Variants in MAP3K2 observed in about 807,000 individuals in gnomAD.
The protein encoded by MAP3K2 is MAP/ERK kinase kinase 2.
Under a neutral mutation model 80.3 loss-of-function variants are expected in MAP3K2, and 24 were observed. That is an observed-to-expected ratio of 0.30 (90% CI 0.22 to 0.42). MAP3K2 has a LOEUF of 0.42. Among genes scored for constraint, MAP3K2 ranks in the 10% least tolerant of loss-of-function variants. The pLI is 1.00. For missense variants in MAP3K2, 608 were observed against 750.1 expected (o/e 0.81, Z 2.21); for synonymous variants, 244 against 253.7 (o/e 0.96, Z 0.36).
rs2104810971 is a variant in MAP3K2 at position 127,314,824 on chromosome 2, T to C, written c.1386A>G (p.Lys462=). 6.2e-7 allele frequency: 1 copy of C among 1,609,546 alleles called. No homozygotes were observed. The highest frequency in any genetic ancestry group is 8.5e-7 in the Non-Finnish European group (1 of 1,175,948). Reference sequence around the variant, plus strand: ...CACCCTCCAGAATCTGACGGGTGTATTTCCTAGTCACATTCTCAGTAAGAG... The same window carrying C: ...CACCCTCCAGAATCTGACGGGTGTACTTCCTAGTCACATTCTCAGTAAGAG... The part of the protein sequence containing the change: ...YGALTENVTR[K]YTRQILEGVH... The change falls in exon 15 of 17, where the codon AAA becomes AAG. Residue 462 remains lysine (K), a synonymous_variant. Coordinates refer to ENST00000682094, the MANE Select transcript of MAP3K2 (RefSeq NM_001371910.2).
In MAP3K2 at chr2:127,321,086, T is replaced by G. The variant is rs938709239; in HGVS notation, c.1045+960A>C. ...AATGAGTTGAGATTGCACCACAGCC[T>G]GAGTGACAGAGTGAGATCCTGTTTC... On this transcript the variant is annotated intron_variant, in intron 12 of 16. Coordinates refer to ENST00000682094, the MANE Select transcript of MAP3K2 (RefSeq NM_001371910.2). The surrounding 1 kb of genome is among the most constrained non-coding windows in gnomAD (Gnocchi z 4.4). Among the ~76,000 whole-genome samples, 6 of 152,200 alleles carry G rather than the reference T, an allele frequency of 3.9e-5. No individual in the cohort carries two copies. The highest frequency in any genetic ancestry group is 1.4e-4 in the African/African-American group (6 of 41,448).
intron 1 of MAP3K2, among the ~76,000 whole-genome samples, chr2:127,353,495 C>A (rs549738140): frequency 1.7e-4 from 26 of 152,176 alleles, no homozygotes; most frequent in African/African-American, 5.5e-4. Flanking sequence ...AGGAGCCCCT[C>A]CGCCCGGCAG....
rs370416134 is a variant in MAP3K2 at position 127,357,111 on chromosome 2, C to T, written c.-65-13917G>A. Reference sequence around the variant, plus strand: ...TTTCAAAAGAAGTTTGACAAAAGAACGGCAAGATCTTTAAAAAACTAGAAA... The same window carrying T: ...TTTCAAAAGAAGTTTGACAAAAGAATGGCAAGATCTTTAAAAAACTAGAAA... On this transcript the variant is annotated intron_variant, in intron 1 of 16. Transcript: ENST00000682094. Among the ~76,000 whole-genome samples the T allele has an allele frequency of 1.1e-3, 172 of 152,196 alleles. 2 individuals are homozygous for T. The highest frequency in any genetic ancestry group is 4.0e-3 in the African/African-American group (167 of 41,546).
chr2:127,352,488 A>C (rs1686708656), intron 1 of MAP3K2, among the ~76,000 whole-genome samples: 1 of 152,116 alleles, frequency 6.6e-6, no homozygotes, highest in Non-Finnish European at 1.5e-5. Flanking sequence ...TTCTTGCACT[A>C]CTACTCTTTT....
chr2:127,345,176 T>C (rs769538668), intron 1 of MAP3K2, among the ~76,000 whole-genome samples: 4 of 152,052 alleles, frequency 2.6e-5, no homozygotes, highest in African/African-American at 9.7e-5. Context: ...ACAAAATAGG[T>C]TGACAGTAAA....
intron 1 of MAP3K2, among the ~76,000 whole-genome samples, chr2:127,355,525 C>A (rs1686782063): frequency 6.6e-6 from 1 of 152,066 alleles, no homozygotes; most frequent in Non-Finnish European, 1.5e-5. Context: ...AATGTACATG[C>A]CTTAATTAAA....
Position 127,339,738 on chromosome 2 carries a change from A to C in MAP3K2, c.5-688T>G, listed in dbSNP as rs1326191095. 6.6e-6 allele frequency among the ~76,000 whole-genome samples: 1 copy of C among 152,186 alleles called. No homozygotes were observed. The highest frequency in any genetic ancestry group is 1.5e-5 in the Non-Finnish European group (1 of 68,034). The stretch of plus-strand genomic sequence containing the variant: ...TTAGACTCTTATAAATATACCAAAG[A>C]TTTCCTTCTGAGACTAAAACCATGT... On this transcript the variant is annotated intron_variant, in intron 2 of 16. Transcript: ENST00000682094. The surrounding 1 kb of genome is among the most constrained non-coding windows in gnomAD (Gnocchi z 4.2).
rs183469716 is a variant in MAP3K2, at chr2:127,337,059, T to C, written c.164+679A>G. On this transcript the variant is annotated intron_variant, in intron 4 of 16. Transcript: ENST00000682094. ...CAGGAGGCTGAGGCAGGAGAATTGC[T>C]TGAACCCGGGAGGTGGAGGTTGCAG... Among the ~76,000 whole-genome samples the C allele has an allele frequency of 1.6e-3, 248 of 152,164 alleles. 2 individuals are homozygous for C. Among genetic ancestry groups the C allele is most frequent in the Admixed American group, 2.8e-3 (43 of 15,278 alleles).
At chr2:127,378,521 T>C (rs1267566008) in intron 1 of MAP3K2, among the ~76,000 whole-genome samples, 1 of 152,140 alleles carries the variant, frequency 6.6e-6, no homozygotes, top group East Asian at 1.9e-4. Context: ...TGTAACATAA[T>C]TTTTTATGAT....
intron 1 of MAP3K2, among the ~76,000 whole-genome samples, chr2:127,350,350 T>C (rs1419120923): frequency 6.7e-6 from 1 of 149,940 alleles, no homozygotes; most frequent in African/African-American, 2.5e-5. Flanking sequence ...AGCTATAATC[T>C]CAGCTACTCA....
chr2:127,333,283 C>CAT (rs1686296915), intron 5 of MAP3K2, among the ~76,000 whole-genome samples: 1 of 150,626 alleles, frequency 6.6e-6, no homozygotes, highest in African/African-American at 2.4e-5. Context: ...TCATAACACA[C>CAT]ACACACACAC....
In MAP3K2 at chr2:127,376,028, C is replaced by G. The variant is rs76456426; in HGVS notation, c.-66+11424G>C. Among the ~76,000 whole-genome samples the G allele has an allele frequency of 3.3e-3, 507 of 152,262 alleles. 2 individuals are homozygous for G. Among genetic ancestry groups the G allele is most frequent in the African/African-American group, 0.011 (474 of 41,538 alleles). The stretch of plus-strand genomic sequence containing the variant: ...GACAAACCTACTGCACATATCTGTA[C>G]TCTCCTATCAACAAAACCTGATGCT... On this transcript the variant is annotated intron_variant, in intron 1 of 16. Transcript: ENST00000682094.
chr2:127,348,735 T>C (rs1483534595), intron 1 of MAP3K2, among the ~76,000 whole-genome samples: 2 of 151,982 alleles, frequency 1.3e-5, no homozygotes, highest in Non-Finnish European at 2.9e-5. Context: ...GTGAATTTCA[T>C]GGTATGCAAA....
At position 127,299,811 on chromosome 2, in the gene MAP3K2, T is replaced by C. The variant is rs1685556408; in HGVS notation, c.*7768A>G. 2.0e-5 allele frequency: 3 copies of C among 152,030 alleles called. 1 individual carries two copies. The highest frequency in any genetic ancestry group is 1.3e-4 in the Admixed American group (2 of 15,264). 9.4% of individuals were successfully genotyped at this position (152,030 alleles called of 1,614,324 possible). The stretch of plus-strand genomic sequence containing the variant: ...GCTGAAAATATATTCATATAGTAAA[T>C]AATCTCTCAGAAAGCTTTTATATAT... On this transcript the variant is annotated 3_prime_UTR_variant, in exon 17 of 17. Transcript: ENST00000682094.
At chr2:127,366,556 T>A (rs947830018) in intron 1 of MAP3K2, among the ~76,000 whole-genome samples, 1 of 152,158 alleles carries the variant, frequency 6.6e-6, no homozygotes, top group Non-Finnish European at 1.5e-5. Context: ...TTTCCCCCCA[T>A]TTGAAGTAAG....
chr2:127,348,553 T>C (rs987479855), intron 1 of MAP3K2, among the ~76,000 whole-genome samples: 1 of 152,120 alleles, frequency 6.6e-6, no homozygotes, highest in Non-Finnish European at 1.5e-5. Context: ...CTACAGAGAC[T>C]GAAAGTAGAT....
At chr2:127,324,321 T>A in intron 9 of MAP3K2, 80 bp from the exon 10 acceptor site, 1 of 796,296 alleles carries the variant, frequency 1.3e-6, no homozygotes, top group South Asian at 1.8e-5. Context: ...AATATCTATA[T>A]CTATCTGTGC....
chr2:127,386,834 T>C (rs987487358), intron 1 of MAP3K2, among the ~76,000 whole-genome samples: 3 of 152,186 alleles, frequency 2.0e-5, no homozygotes, highest in African/African-American at 7.2e-5. Context: ...AGACGAGAAA[T>C]ACAGTCTTAC....
chr2:127,375,876 G>A (rs1687143079), intron 1 of MAP3K2, among the ~76,000 whole-genome samples: 1 of 151,964 alleles, frequency 6.6e-6, no homozygotes, highest in Admixed American at 6.6e-5. Flanking sequence ...GAACTGAACT[G>A]CTGAGTAACA....
Sources: allele counts gnomAD v4.1 joint callset (sites outside exome capture counted in the v4.1 genomes callset), GRCh38; gene constraint gnomAD v4.1.1; non-coding constraint Gnocchi (gnomAD v3.1); transcripts MANE v1.5; gene names NCBI Gene and HGNC (gene_info 2026-07-23, HGNC 2026-07-21).